ATG7: variants seen among roughly 807,000 people sequenced by gnomAD.
The protein encoded by ATG7 is autophagy related 7.
A neutral mutation model predicts 82.4 loss-of-function variants in ATG7; 70 were observed. The ratio of observed to expected loss-of-function variants is 0.85; its 90% confidence interval spans 0.70 to 1.04. ATG7 has a LOEUF of 1.04. Among genes scored for constraint, ATG7 ranks in the 50% least tolerant of loss-of-function variants. The probability of loss-of-function intolerance (pLI) is 0.00; values close to 1 mark genes in which losing one functional copy is unlikely to be tolerated. For synonymous variants in ATG7, 287 were observed against 313.0 expected (o/e 0.92, Z 0.88); for missense variants, 792 against 864.3 (o/e 0.92, Z 1.05).
intron 20 of ATG7, among the ~76,000 whole-genome samples, chr3:11,498,145 A>G (rs1055982229): frequency 2.0e-5 from 3 of 152,078 alleles, no homozygotes; most frequent in African/African-American, 7.2e-5. Flanking sequence ...CCCTGCATAT[A>G]TACACACATA....
intron 20 of ATG7, among the ~76,000 whole-genome samples, chr3:11,430,295 C>T (rs556708574): frequency 7.9e-5 from 12 of 152,066 alleles, no homozygotes; most frequent in Admixed American, 4.6e-4. Context: ...TGTGTGTATG[C>T]GCATATAAGC....
chr3:11,487,250 G>A (rs1458521095), intron 20 of ATG7, among the ~76,000 whole-genome samples: 4 of 108,662 alleles, frequency 3.7e-5, no homozygotes, highest in Admixed American at 8.5e-5. Flanking sequence ...ACACAGACAC[G>A]GCAACCATCC....
At chr3:11,426,401 T>C (rs546065065) in intron 19 of ATG7, among the ~76,000 whole-genome samples, 1 of 152,344 alleles carries the variant, frequency 6.6e-6, no homozygotes, top group South Asian at 2.1e-4. Flanking sequence ...GGCTAGCTCG[T>C]ATGTCACACT....
the ATG7 span, among the ~76,000 whole-genome samples, chr3:11,574,785 ATGTGTG>A: frequency 0.039 from 4,786 of 121,712 alleles, 98 homozygotes; most frequent in Middle Eastern, 0.053. Flanking sequence ...TCAACTATAT[ATGTGTG>A]TGTGTGTGTG....
intron 20 of ATG7, among the ~76,000 whole-genome samples, chr3:11,489,833 T>G (rs1420280845): frequency 1.3e-5 from 2 of 152,176 alleles, no homozygotes; most frequent in Non-Finnish European, 2.9e-5. Flanking sequence ...TGCACTGTGA[T>G]CTGAGAGACA....
chr3:11,458,413 A>G (rs984581799), intron 20 of ATG7, among the ~76,000 whole-genome samples: 3 of 152,084 alleles, frequency 2.0e-5, no homozygotes, highest in African/African-American at 7.2e-5. Context: ...ACAGGCGCCC[A>G]CCACCACGCC....
rs116114781 is a variant in ATG7, at chr3:11,391,221, T to C, written c.1956+11169T>C. ...GGCCTGGCCTCAAGATGTGAGCAAATACTAATGTGCAAGTTTTTAGATTCT... is the reference window on the plus strand; with the variant it reads ...GGCCTGGCCTCAAGATGTGAGCAAACACTAATGTGCAAGTTTTTAGATTCT... On this transcript the variant is annotated intron_variant, in intron 19 of 20. Coordinates refer to ENST00000693202, the MANE Select transcript of ATG7 (RefSeq NM_001349232.2). Among the ~76,000 whole-genome samples, 336 of 152,316 alleles carry C rather than the reference T, an allele frequency of 2.2e-3. 1 individual carries two copies. The highest frequency in any genetic ancestry group is 7.8e-3 in the African/African-American group (326 of 41,554).
intron 20 of ATG7, among the ~76,000 whole-genome samples, chr3:11,494,668 T>C (rs77367643): frequency 0.011 from 1,722 of 152,286 alleles, 31 homozygotes; most frequent in African/African-American, 0.039. Flanking sequence ...CATCTCTTGA[T>C]GGAACACAGA....
chr3:11,316,724 G>A (rs1055663817), intron 9 of ATG7, among the ~76,000 whole-genome samples: 14 of 152,254 alleles, frequency 9.2e-5, no homozygotes, highest in Middle Eastern at 6.8e-3. Context: ...AAAGAGTACC[G>A]TAAATGTCTT....
intron 3 of ATG7, among the ~76,000 whole-genome samples, chr3:11,291,289 C>A (rs1418050232): frequency 6.6e-6 from 1 of 152,132 alleles, no homozygotes; most frequent in Non-Finnish European, 1.5e-5. Flanking sequence ...TAGCTCTGGC[C>A]AGGGCCTTTT....
chr3:11,522,959 C>T (rs1182659869), intron 20 of ATG7, among the ~76,000 whole-genome samples: 1 of 152,212 alleles, frequency 6.6e-6, no homozygotes, highest in Non-Finnish European at 1.5e-5. Context: ...CTTTTCCTCT[C>T]TCAGCCCTGT....
chr3:11,298,018 A>G (rs1946220372), intron 3 of ATG7, among the ~76,000 whole-genome samples: 1 of 152,174 alleles, frequency 6.6e-6, no homozygotes, highest in South Asian at 2.1e-4. Context: ...TCTCTACCAA[A>G]AATACAAAAA....
chr3:11,502,212 TA>T (rs1051788496), intron 20 of ATG7, among the ~76,000 whole-genome samples: 1 of 151,818 alleles, frequency 6.6e-6, no homozygotes, highest in Admixed American at 6.6e-5. Context: ...TTTTTTTTTT[TA>T]ATTTTAATTT....
At chr3:11,558,453 T>G (rs2072635255), downstream of ATG7, 6,801 of 982,420 alleles carry the variant, frequency 6.9e-3, 2 homozygotes, top group Non-Finnish European at 8.4e-3. Flanking sequence ...ATCCCTTCCC[T>G]TCCCCCCACC....
At chr3:11,490,889 C>G (rs1399079694) in intron 20 of ATG7, among the ~76,000 whole-genome samples, 2 of 152,164 alleles carry the variant, frequency 1.3e-5, no homozygotes, top group Admixed American at 1.3e-4. Flanking sequence ...ACCTTTCTCT[C>G]TGGCTGCCCT....
intron 1 of ATG7, among the ~76,000 whole-genome samples, chr3:11,276,385 TTC>T (rs1444472752): frequency 2.0e-5 from 3 of 152,226 alleles, no homozygotes; most frequent in Admixed American, 6.5e-5. Context: ...TCATTTTCTT[TTC>T]TGTTTCATCA....
intron 20 of ATG7, among the ~76,000 whole-genome samples, chr3:11,514,055 A>G (rs2092180702): frequency 6.6e-6 from 1 of 152,110 alleles, no homozygotes; most frequent in Admixed American, 6.5e-5. Flanking sequence ...TTGGTTTTTT[A>G]GTAGAGACAA....
At chr3:11,482,092 C>T (rs2089057859) in intron 20 of ATG7, among the ~76,000 whole-genome samples, 1 of 152,236 alleles carries the variant, frequency 6.6e-6, no homozygotes, top group South Asian at 2.1e-4. Context: ...TCTTCTCTCT[C>T]TCCTGATGCC....
At chr3:11,293,689 A>C (rs1191978071) in intron 3 of ATG7, among the ~76,000 whole-genome samples, 1 of 151,000 alleles carries the variant, frequency 6.6e-6, no homozygotes, top group Non-Finnish European at 1.5e-5. Context: ...TCTACTAAAA[A>C]ATACAAAACA....
Sources: gnomAD v4.1 joint callset for allele counts (sites outside exome capture counted in the v4.1 genomes callset) on GRCh38, gnomAD v4.1.1 for gene constraint, MANE v1.5 for transcripts, NCBI Gene and HGNC (gene_info 2026-07-23, HGNC 2026-07-21) for gene names.